The following KCNIP4 variants were observed in gnomAD, a reference collection of about 807,000 sequenced individuals.
The protein encoded by KCNIP4 is Kv channel-interacting protein 4.
In KCNIP4, 12 loss-of-function variants were observed where a neutral mutation model predicts 34.0. That is an observed-to-expected ratio of 0.35 (90% CI 0.23 to 0.57). The LOEUF (loss-of-function observed/expected upper bound fraction) is 0.57, where lower values mean the gene tolerates loss of function less well. KCNIP4 is among the 20% of genes least tolerant of loss of function. The pLI, the probability that KCNIP4 is intolerant of heterozygous loss-of-function variation, is 0.83. For missense variants in KCNIP4, 238 were observed against 311.7 expected, an observed-to-expected ratio of 0.76 and a Z score of 1.78; for synonymous variants, 124 against 102.2, an observed-to-expected ratio of 1.21 and a Z score of -1.29.
chr4:21,060,090 T>C (rs1277651969), intron 1 of KCNIP4, among the ~76,000 whole-genome samples: 5 of 152,174 alleles, frequency 3.3e-5, no homozygotes, highest in Non-Finnish European at 2.9e-5. Flanking sequence ...TTCATTATTT[T>C]ATAGTTATAG....
intron 1 of KCNIP4, among the ~76,000 whole-genome samples, chr4:20,982,160 T>C (rs749181932): frequency 6.6e-6 from 1 of 152,212 alleles, no homozygotes. Flanking sequence ...ATATAAGAAC[T>C]GTGCGCTATC....
At chr4:20,858,197 G>A in intron 2 of KCNIP4, among the ~76,000 whole-genome samples, 1 of 115,506 alleles carries the variant, frequency 8.7e-6, no homozygotes, top group Non-Finnish European at 1.7e-5. Context: ...GGCAATGAGA[G>A]TGAAACTCCA....
At position 21,914,544 on chromosome 4, in the gene KCNIP4, C is replaced by G. The variant is rs147103465; in HGVS notation, c.61+34027G>C. The stretch of plus-strand genomic sequence containing the variant: ...GTGTCTCTCTGTCTAAAATGCTTCC[C>G]CCAGGCCTTTGCTGGTTTATCCCTT... On this transcript the variant is annotated intron_variant, in intron 1 of 8. Coordinates refer to ENST00000382152, the MANE Select transcript of KCNIP4 (RefSeq NM_025221.6). Among the ~76,000 whole-genome samples, 6 of 152,198 alleles carry G rather than the reference C, an allele frequency of 3.9e-5. No individual in the cohort carries two copies. The East Asian group carries it at 1.2e-3, about 29-fold the overall frequency.
intron 1 of KCNIP4, among the ~76,000 whole-genome samples, chr4:21,917,993 T>C (rs1242192072): frequency 6.6e-6 from 1 of 152,166 alleles, no homozygotes; most frequent in Non-Finnish European, 1.5e-5. Flanking sequence ...AAAATATGGA[T>C]TAACTGAGTG....
chr4:21,020,191 T>C (rs1262458885), intron 1 of KCNIP4, among the ~76,000 whole-genome samples: 1 of 152,202 alleles, frequency 6.6e-6, no homozygotes, highest in Non-Finnish European at 1.5e-5. Flanking sequence ...AGGTTCAGAA[T>C]GTACTGCTTC....
intron 3 of KCNIP4, among the ~76,000 whole-genome samples, chr4:20,824,569 A>C (rs1000369309): frequency 6.6e-6 from 1 of 152,092 alleles, no homozygotes; most frequent in African/African-American, 2.4e-5. Flanking sequence ...AGTCTCAGCT[A>C]TTTAGGAGGC....
chr4:21,759,586 A>T (rs1200167557), intron 1 of KCNIP4, among the ~76,000 whole-genome samples: 1 of 152,134 alleles, frequency 6.6e-6, no homozygotes, highest in Non-Finnish European at 1.5e-5. Context: ...ACTGACCCTG[A>T]ATATGTCTTT....
intron 1 of KCNIP4, among the ~76,000 whole-genome samples, chr4:20,908,210 C>T (rs1727978003): frequency 1.3e-5 from 2 of 151,562 alleles, no homozygotes; most frequent in Non-Finnish European, 2.9e-5. Context: ...AGCGATTCTC[C>T]TGCCTCAGCC....
intron 3 of KCNIP4, among the ~76,000 whole-genome samples, chr4:20,774,960 G>A (rs185797390): frequency 8.7e-4 from 132 of 152,240 alleles, no homozygotes; most frequent in Admixed American, 2.6e-3. Context: ...TACATCAAGT[G>A]CCCAGCACAA....
At chr4:21,637,178 A>G (rs138791735) in intron 1 of KCNIP4, among the ~76,000 whole-genome samples, 162 of 152,260 alleles carry the variant, frequency 1.1e-3, no homozygotes, top group Admixed American at 3.3e-3. Context: ...CCTAAATGTC[A>G]AACACTTGGC....
chr4:21,552,038 T>TA (rs67181064), intron 1 of KCNIP4, among the ~76,000 whole-genome samples: 618 of 53,550 alleles, frequency 0.012, no homozygotes, highest in Non-Finnish European at 0.016. Flanking sequence ...GAGCTTTTTT[T>TA]AAAAAAAAAA....
At chr4:21,694,705 G>A (rs1407104010) in intron 1 of KCNIP4, among the ~76,000 whole-genome samples, 1 of 151,870 alleles carries the variant, frequency 6.6e-6, no homozygotes, top group Non-Finnish European at 1.5e-5. Context: ...TTGCTTTTCT[G>A]TAACTTGTGA....
At chr4:21,620,578 A>G (rs1024021988) in intron 1 of KCNIP4, among the ~76,000 whole-genome samples, 2 of 152,220 alleles carry the variant, frequency 1.3e-5, no homozygotes, top group African/African-American at 4.8e-5. Flanking sequence ...TCCTATCTAA[A>G]ACTGTCCCCA....
intron 3 of KCNIP4, among the ~76,000 whole-genome samples, chr4:20,775,057 T>A (rs999048475): frequency 2.6e-5 from 4 of 152,186 alleles, no homozygotes; most frequent in African/African-American, 9.7e-5. Context: ...TTATTATTTA[T>A]TCAATACGTA....
At chr4:21,027,611 G>A (rs941742146) in intron 1 of KCNIP4, among the ~76,000 whole-genome samples, 1 of 149,794 alleles carries the variant, frequency 6.7e-6, no homozygotes, top group Non-Finnish European at 1.5e-5. Context: ...AATATGAAAA[G>A]ATATGTAATC....
intron 1 of KCNIP4, among the ~76,000 whole-genome samples, chr4:21,660,149 C>G (rs1487780940): frequency 2.0e-5 from 3 of 152,070 alleles, no homozygotes; most frequent in African/African-American, 7.2e-5. Context: ...AATATCTTCC[C>G]TATCCTGTGT....
chr4:21,056,354 C>T (rs1038267261), intron 1 of KCNIP4, among the ~76,000 whole-genome samples: 2 of 152,140 alleles, frequency 1.3e-5, no homozygotes, highest in Admixed American at 6.6e-5. Flanking sequence ...GTTCTACTTC[C>T]TTACTCTACC....
chr4:21,627,083 T>C (rs1745392944), intron 1 of KCNIP4, among the ~76,000 whole-genome samples: 1 of 152,198 alleles, frequency 6.6e-6, no homozygotes, highest in Admixed American at 6.5e-5. Context: ...CAGAAAACTT[T>C]TGCTATTGAA....
chr4:21,811,117 A>G (rs972216243), intron 1 of KCNIP4, among the ~76,000 whole-genome samples: 4 of 152,214 alleles, frequency 2.6e-5, no homozygotes, highest in African/African-American at 9.6e-5. Context: ...TGGCTAGAAA[A>G]CACATGGCAA....
Sources: gnomAD v4.1 joint callset for allele counts (sites outside exome capture counted in the v4.1 genomes callset) on GRCh38, gnomAD v4.1.1 for gene constraint, MANE v1.5 for transcripts, NCBI Gene and HGNC (gene_info 2026-07-23, HGNC 2026-07-21) for gene names.